The following ODAD2 variants were observed in gnomAD, a reference collection of about 807,000 sequenced individuals.
The protein encoded by ODAD2 is outer dynein arm docking complex subunit 2, also known as outer dynein arm-docking complex subunit 2.
ODAD2 carries 89 observed loss-of-function variants against 106.8 expected under a neutral mutation model. The ratio of observed to expected loss-of-function variants is 0.83; its 90% CI spans 0.70 to 0.99. The LOEUF (loss-of-function observed/expected upper bound fraction) is 0.99, where lower values mean the gene tolerates loss of function less well. ODAD2 is among the 50% of genes least tolerant of loss of function. The pLI is 0.00. For missense variants in ODAD2, 1,168 were observed against 1,238.5 expected (o/e 0.94, Z 0.85); for synonymous variants, 404 against 436.2 (o/e 0.93, Z 0.92).
At position 27,867,111 on chromosome 10, in the gene ODAD2, C is replaced by T. The variant is rs144407255; in HGVS notation, c.2611-4489G>A. Among the ~76,000 whole-genome samples, 164 of 152,024 alleles carry T rather than the reference C, an allele frequency of 1.1e-3. 2 individuals carry two copies. In the East Asian group the frequency reaches 0.024, roughly 22 times the overall value. On this transcript the variant is annotated intron_variant, in intron 17 of 19. Coordinates refer to ENST00000305242, the MANE Select transcript of ODAD2 (RefSeq NM_018076.5). ...AAAAAACACAATGGACAATATACACCATAGTAGGTGAACAAGATACCCACA... is the reference window on the plus strand; with the variant it reads ...AAAAAACACAATGGACAATATACACTATAGTAGGTGAACAAGATACCCACA...
intron 14 of ODAD2, among the ~76,000 whole-genome samples, chr10:27,937,406 C>T (rs1443295555): frequency 7.5e-5 from 11 of 147,152 alleles, no homozygotes; most frequent in Non-Finnish European, 1.2e-4. Flanking sequence ...GGCATGATCT[C>T]GACTCACTGC....
rs1354351204 is a variant in ODAD2 at position 27,984,891 on chromosome 10, A to C, written c.575+128T>G. 9.5e-6 allele frequency: 4 copies of C among 421,060 alleles called. No individual in the cohort carries two copies. The Admixed American group carries it at 1.8e-4, about 19-fold the overall frequency. The allele number at this position is 421,060 out of a possible 1,614,324, so 26.1% of individuals were successfully genotyped here. On this transcript the variant is annotated intron_variant, in intron 4 of 19. Transcript: ENST00000305242. ...GTTCCTTTTTAATTTTTTAATTTTA[A>C]TTGTAATATTTTATTATTTATTTAA...
intron 17 of ODAD2, among the ~76,000 whole-genome samples, chr10:27,891,945 A>G (rs1246149186): frequency 2.4e-5 from 2 of 83,104 alleles, no homozygotes; most frequent in African/African-American, 7.6e-5. Flanking sequence ...GCTTCTTAAG[A>G]ACAAAGAATT....
At chr10:27,941,599 T>TTG (rs1431585261) in intron 12 of ODAD2, among the ~76,000 whole-genome samples, 5 of 146,514 alleles carry the variant, frequency 3.4e-5, no homozygotes, top group African/African-American at 1.3e-4. Flanking sequence ...GCATCCAGTT[T>TTG]TTTTTTTTTT....
chr10:27,935,122 T>G lies in ODAD2; in HGVS notation c.2383A>C (p.Lys795Gln). 1 of 1,613,982 alleles carries G rather than the reference T, an allele frequency of 6.2e-7. No individual in the cohort carries two copies. The highest frequency in any genetic ancestry group is 1.3e-5 in the African/African-American group (1 of 75,034). ...QERENRVIVR[K>Q]CGGIQPLVNL... ...ACAAGTGGTTGAATGCCACCACATT[T>G]CCGGACAATGACTCGGTTTTCACGT... is the stretch of plus-strand genomic sequence containing the variant. The change falls in exon 16 of 20, where the codon AAA becomes CAA. Residue 795 changes from lysine to glutamine, a missense_variant. By Grantham distance (53) the Lys-to-Gln change is moderately conservative (BLOSUM62 1). Around this residue, in one of 3 missense-constraint regions of ODAD2, gnomAD observed 701 missense variants for 712.3 expected, o/e 0.98. Coordinates refer to ENST00000305242, the MANE Select transcript of ODAD2 (RefSeq NM_018076.5).
At chr10:27,982,343 C>G (rs1274620391) in intron 6 of ODAD2, among the ~76,000 whole-genome samples, 1 of 151,908 alleles carries the variant, frequency 6.6e-6, no homozygotes, top group Non-Finnish European at 1.5e-5. Flanking sequence ...TTTTTTAAAA[C>G]TTAAAGGGAT....
intron 9 of ODAD2, among the ~76,000 whole-genome samples, chr10:27,962,530 A>C (rs979005191): frequency 6.6e-6 from 1 of 152,240 alleles, no homozygotes; most frequent in Non-Finnish European, 1.5e-5. Context: ...TTGCAAGGGC[A>C]CAAGGTGCCA....
Position 27,994,948 on chromosome 10 carries a change from G to T in ODAD2, c.195C>A (p.Pro65=). Residue 65 remains proline (P), a synonymous_variant, in exon 2 of 20, where the codon CCC becomes CCA. Transcript: ENST00000305242. Reference sequence around the variant, plus strand: ...CAACATAACCTGATTCAAATGCTGAGGGCGCCAAACTTGTGTTCCATTCAA... The same window carrying T: ...CAACATAACCTGATTCAAATGCTGATGGCGCCAAACTTGTGTTCCATTCAA... ...EPLEWNTSLA[P]SAFESGYVVS... is the part of the protein sequence containing the mutation. 3 of 1,614,134 alleles carry T rather than the reference G, an allele frequency of 1.9e-6. No individual in the cohort carries two copies. Among genetic ancestry groups the T allele is most frequent in the Non-Finnish European group, 2.5e-6 (3 of 1,180,018 alleles).
At chr10:27,906,446 A>G (rs909243107) in intron 17 of ODAD2, among the ~76,000 whole-genome samples, 1 of 152,196 alleles carries the variant, frequency 6.6e-6, no homozygotes, top group Admixed American at 6.5e-5. Flanking sequence ...TGTGGAAGAC[A>G]GTGTGGCGGT....
In ODAD2 at chr10:27,970,305, T is replaced by C. The variant is rs1848762834; in HGVS notation, c.1142+803A>G. 2.0e-5 allele frequency among the ~76,000 whole-genome samples: 3 copies of C among 152,256 alleles called. No individual in the cohort carries two copies. In the South Asian group the frequency reaches 6.2e-4, roughly 32 times the overall value. ...ACTTTATATAGGTCCATTCATATTT[T>C]TGAGACTCTAGCCTTTTCATGGTAT... is the stretch of plus-strand genomic sequence containing the variant. On this transcript the variant is annotated intron_variant, in intron 8 of 19. Coordinates refer to ENST00000305242, the MANE Select transcript of ODAD2 (RefSeq NM_018076.5).
At chr10:27,925,551 C>T (rs527553791) in intron 16 of ODAD2, among the ~76,000 whole-genome samples, 2 of 152,168 alleles carry the variant, frequency 1.3e-5, no homozygotes, top group South Asian at 2.1e-4. Flanking sequence ...AGAGACAGGG[C>T]CTCATTACGT....
At chr10:27,981,769 A>C (rs1461669484) in intron 6 of ODAD2, 187 bp from the exon 7 acceptor site, 11 of 427,626 alleles carry the variant, frequency 2.6e-5, no homozygotes, top group Non-Finnish European at 3.7e-5. Flanking sequence ...TTTTCCATTC[A>C]TTCACTCATT....
chr10:27,850,247 C>T lies in ODAD2; in HGVS notation c.3021+10378G>A, dbSNP rs112325030. Among the ~76,000 whole-genome samples the T allele has an allele frequency of 1.3e-3, 204 of 152,084 alleles. 1 individual carries two copies. Among genetic ancestry groups the T allele is most frequent in the African/African-American group, 4.8e-3 (198 of 41,486 alleles). ...ATCACTTGAGGTCAGGAGTTTGAGA[C>T]CAGCCTGGCCAACATGGTGAAACCC... is the stretch of plus-strand genomic sequence containing the variant. On this transcript the variant is annotated intron_variant, in intron 19 of 19. Transcript: ENST00000305242.
At chr10:27,846,893 A>G (rs1056916029) in intron 19 of ODAD2, among the ~76,000 whole-genome samples, 2 of 152,128 alleles carry the variant, frequency 1.3e-5, no homozygotes, top group African/African-American at 4.8e-5. Context: ...GAATCCCTCA[A>G]TAGATCAATT....
chr10:27,885,055 G>A (rs1245756685), intron 17 of ODAD2, among the ~76,000 whole-genome samples: 1 of 151,834 alleles, frequency 6.6e-6, no homozygotes, highest in African/African-American at 2.4e-5. Context: ...TTATGTAAGG[G>A]AACAAATCTC....
intron 19 of ODAD2, among the ~76,000 whole-genome samples, chr10:27,852,089 A>C (rs1361336478): frequency 6.6e-6 from 1 of 152,224 alleles, no homozygotes; most frequent in Non-Finnish European, 1.5e-5. Context: ...ATATTTTTCA[A>C]AAACAAAGAC....
chr10:27,890,758 GTA>G (rs1194428945), intron 17 of ODAD2, among the ~76,000 whole-genome samples: 2 of 116,692 alleles, frequency 1.7e-5, no homozygotes, highest in African/African-American at 6.8e-5. Context: ...TGAAAATCTG[GTA>G]TATATATATT....
chr10:27,920,045 A>C (rs1241329594), intron 16 of ODAD2, among the ~76,000 whole-genome samples: 1 of 152,076 alleles, frequency 6.6e-6, no homozygotes, highest in Non-Finnish European at 1.5e-5. Flanking sequence ...ATGAATTCTC[A>C]AGTATAAAAT....
chr10:27,958,344 T>C (rs1269057787), intron 10 of ODAD2, among the ~76,000 whole-genome samples: 1 of 152,208 alleles, frequency 6.6e-6, no homozygotes, highest in Admixed American at 6.5e-5. Context: ...TCAAGACAGT[T>C]ATCCAGTAAT....
Sources: gnomAD v4.1 joint callset for allele counts (sites outside exome capture counted in the v4.1 genomes callset) on GRCh38, gnomAD v4.1.1 for gene constraint, gnomAD v4.1.1 regional missense constraint, MANE v1.5 for transcripts, NCBI Gene and HGNC (gene_info 2026-07-23, HGNC 2026-07-21) for gene names.